Variants in SCTR observed in about 807,000 individuals in gnomAD.
The protein encoded by SCTR is secretin receptor.
Under a neutral mutation model 60.8 loss-of-function variants are expected in SCTR, and 56 were observed. The ratio of observed to expected loss-of-function variants is 0.92; its 90% CI spans 0.74 to 1.15. The LOEUF is 1.15. SCTR is among the 50% of genes most tolerant of loss of function. SCTR has a pLI of 0.00. For synonymous variants in SCTR, 202 were observed against 217.0 expected, an observed-to-expected ratio of 0.93 and a Z score of 0.61; for missense variants, 562 against 550.4, an observed-to-expected ratio of 1.02 and a Z score of -0.21.
At chr2:119,466,762 T>TAC (rs1348215904) in intron 4 of SCTR, among the ~76,000 whole-genome samples, 1 of 141,110 alleles carries the variant, frequency 7.1e-6, no homozygotes, top group Non-Finnish European at 1.5e-5. Context: ...AATAAATAAA[T>TAC]ATATACATAC....
intron 1 of SCTR, among the ~76,000 whole-genome samples, chr2:119,500,599 T>G (rs979637220): frequency 2.0e-5 from 3 of 152,226 alleles, no homozygotes; most frequent in African/African-American, 7.2e-5. Context: ...GAGGTCATTA[T>G]GCTAAGTGAA....
At chr2:119,513,838 T>C (rs990543690) in intron 1 of SCTR, among the ~76,000 whole-genome samples, 18 of 152,224 alleles carry the variant, frequency 1.2e-4, no homozygotes, top group Admixed American at 1.0e-3. Context: ...GAATCTTTTC[T>C]AGGGTCTTTT....
intron 1 of SCTR, among the ~76,000 whole-genome samples, chr2:119,501,727 A>T (rs1025778015): frequency 1.3e-5 from 2 of 152,196 alleles, no homozygotes; most frequent in African/African-American, 2.4e-5. Context: ...GAAATATCAC[A>T]ATTACCTCCA....
At chr2:119,467,691 A>G (rs1683896301) in intron 4 of SCTR, among the ~76,000 whole-genome samples, 1 of 149,458 alleles carries the variant, frequency 6.7e-6, no homozygotes, top group African/African-American at 2.6e-5. Context: ...TCACAGAAGT[A>G]TTAGTGATAA....
intron 2 of SCTR, among the ~76,000 whole-genome samples, chr2:119,482,215 G>A (rs1677642790): frequency 6.6e-6 from 1 of 152,122 alleles, no homozygotes; most frequent in South Asian, 2.1e-4. Flanking sequence ...GGAACGGTAG[G>A]GTGGGCCGGG....
chr2:119,442,893 A>G (rs1282464122), intron 11 of SCTR, among the ~76,000 whole-genome samples: 1 of 152,166 alleles, frequency 6.6e-6, no homozygotes, highest in South Asian at 2.1e-4. Context: ...GAAATGAAAC[A>G]GACTTGGATC....
chr2:119,451,299 C>T (rs1030141272), intron 9 of SCTR, among the ~76,000 whole-genome samples: 1 of 152,228 alleles, frequency 6.6e-6, no homozygotes, highest in Non-Finnish European at 1.5e-5. Context: ...CCTCTGTCCC[C>T]CTATGCTGAA....
At chr2:119,507,195 T>C (rs1678768097) in intron 1 of SCTR, among the ~76,000 whole-genome samples, 1 of 152,204 alleles carries the variant, frequency 6.6e-6, no homozygotes, top group Admixed American at 6.5e-5. Context: ...GCATTACATA[T>C]GATTATTTAA....
chr2:119,464,249 G>A lies in SCTR; in HGVS notation c.510C>T (p.Leu170=), dbSNP rs749475406. Residue 170 remains leucine, a synonymous_variant, in exon 6 of 13, where the codon CTC becomes CTT. Transcript: ENST00000019103. ...TGTGGATGTAGTTGCGAGTGCAGTG[G>A]AGCCTCCTGCAGGGAGAGAATGTAG... ...ALGILCAFRR[L]HCTRNYIHMH... The A allele has an allele frequency of 2.5e-6, 4 of 1,614,070 alleles. No individual in the cohort carries two copies. The East Asian group carries it at 6.7e-5, about 27-fold the overall frequency.
chr2:119,452,030 G>A lies in SCTR; in HGVS notation c.901C>T (p.Pro301Ser). The A allele has an allele frequency of 6.2e-7, 1 of 1,607,456 alleles. No homozygotes were observed. Among genetic ancestry groups the A allele is most frequent in the Non-Finnish European group, 8.5e-7 (1 of 1,175,548 alleles). Reference sequence around the variant, plus strand: ...CTCACCAGGATGGAGAGGATCACAGGACCACGAATGATCCACCAGATGGAT... The same window carrying A: ...CTCACCAGGATGGAGAGGATCACAGAACCACGAATGATCCACCAGATGGAT... ...NASIWWIIRG[P>S]VILSILINFI... is the part of the protein sequence containing the mutation. Residue 301 changes from proline (P) to serine (S), a missense_variant, in exon 9 of 13, where the codon CCT becomes TCT. By Grantham distance (74) the Pro-to-Ser change is moderately conservative (BLOSUM62 -1). Transcript: ENST00000019103.
chr2:119,446,368 A>G (rs571630302), intron 11 of SCTR, among the ~76,000 whole-genome samples: 5 of 152,188 alleles, frequency 3.3e-5, no homozygotes, highest in African/African-American at 1.2e-4. Context: ...AGATGAGGAC[A>G]GTGTTCTCTT....
intron 3 of SCTR, among the ~76,000 whole-genome samples, chr2:119,478,365 G>A (rs1677431789): frequency 6.6e-6 from 1 of 152,118 alleles, no homozygotes; most frequent in Non-Finnish European, 1.5e-5. Flanking sequence ...GGAGGCCAGG[G>A]GCTCCCAGGG....
chr2:119,480,492 G>A (rs1677550906), intron 2 of SCTR, among the ~76,000 whole-genome samples: 1 of 152,186 alleles, frequency 6.6e-6, no homozygotes, highest in Non-Finnish European at 1.5e-5. Context: ...GGAATTCTGA[G>A]AGCTACAATT....
chr2:119,472,297 C>A (rs1363831327), intron 4 of SCTR, among the ~76,000 whole-genome samples: 3 of 152,082 alleles, frequency 2.0e-5, no homozygotes, highest in East Asian at 1.9e-4. Flanking sequence ...TGGATGGGCC[C>A]GAGGGGAGTC....
At chr2:119,446,919 G>C (rs1239132271) in intron 10 of SCTR, 34 bp from the exon 11 acceptor site, 3 of 1,409,048 alleles carry the variant, frequency 2.1e-6, no homozygotes, top group African/African-American at 1.5e-5. Context: ...CCTCCACTCT[G>C]CCTCCCTGCG....
At chr2:119,464,458 A>G (rs2104806685) in intron 5 of SCTR, among the ~76,000 whole-genome samples, 1 of 152,166 alleles carries the variant, frequency 6.6e-6, no homozygotes, top group East Asian at 1.9e-4. Context: ...CAGTGAGAAA[A>G]AAAAAAAAAA....
intron 8 of SCTR, among the ~76,000 whole-genome samples, chr2:119,452,675 T>C (rs1264774923): frequency 6.6e-6 from 1 of 152,238 alleles, no homozygotes; most frequent in Non-Finnish European, 1.5e-5. Flanking sequence ...ATTTGGACTA[T>C]AGACACTTGG....
chr2:119,483,981 G>A (rs113979188), intron 2 of SCTR, among the ~76,000 whole-genome samples: 20 of 152,184 alleles, frequency 1.3e-4, no homozygotes, highest in East Asian at 5.9e-4. Flanking sequence ...AGGGGAGAGC[G>A]CTCCCAGCTT....
At chr2:119,453,054 G>A (rs912199606) in intron 8 of SCTR, among the ~76,000 whole-genome samples, 4 of 152,318 alleles carry the variant, frequency 2.6e-5, no homozygotes, top group Admixed American at 6.5e-5. Flanking sequence ...CACATGCAGA[G>A]CGGACAGGCA....
Sources: allele counts gnomAD v4.1 joint callset (sites outside exome capture counted in the v4.1 genomes callset), GRCh38; gene constraint gnomAD v4.1.1; transcripts MANE v1.5; gene names NCBI Gene and HGNC (gene_info 2026-07-23, HGNC 2026-07-21).